Variants in NKAIN3 observed in about 807,000 individuals in gnomAD.
NKAIN3 encodes the protein sodium/potassium transporting ATPase interacting 3.
In NKAIN3, 25 loss-of-function variants were observed where a neutral mutation model predicts 30.2. That is an observed-to-expected ratio of 0.83 (90% CI 0.60 to 1.16). NKAIN3 has a LOEUF of 1.16. NKAIN3 is among the 50% of genes most tolerant of loss of function. NKAIN3 has a pLI of 0.00. For missense variants in NKAIN3, 225 were observed against 254.1 expected (o/e 0.89, Z 0.78); for synonymous variants, 91 against 89.6 (o/e 1.02, Z -0.09).
intron 3 of NKAIN3, among the ~76,000 whole-genome samples, chr8:62,746,377 C>G (rs755442567): frequency 1.3e-5 from 2 of 152,200 alleles, no homozygotes; most frequent in Admixed American, 6.5e-5. Flanking sequence ...TCTGCTCAGT[C>G]CTTTATTGCC....
intron 1 of NKAIN3, among the ~76,000 whole-genome samples, chr8:62,400,494 C>G: frequency 6.6e-6 from 1 of 152,100 alleles, no homozygotes; most frequent in East Asian, 1.9e-4. Context: ...TTCTAGAAAT[C>G]GGATGTTTTG....
intron 1 of NKAIN3, among the ~76,000 whole-genome samples, chr8:62,251,806 A>G (rs1212396471): frequency 6.6e-6 from 1 of 152,176 alleles, no homozygotes; most frequent in East Asian, 1.9e-4. Context: ...TCCCATCACG[A>G]CCAATTTCAA....
intron 5 of NKAIN3, among the ~76,000 whole-genome samples, chr8:62,995,049 A>T (rs1381835767): frequency 6.6e-6 from 1 of 152,220 alleles, no homozygotes; most frequent in African/African-American, 2.4e-5. Context: ...AGTAAACAGC[A>T]TGATTGAAAA....
chr8:62,388,757 C>G (rs775079600), intron 1 of NKAIN3, among the ~76,000 whole-genome samples: 2 of 152,216 alleles, frequency 1.3e-5, no homozygotes, highest in Non-Finnish European at 2.9e-5. Context: ...TCAGCCGGCT[C>G]TGGTTGCTGT....
At chr8:62,538,334 A>C (rs996385851) in intron 1 of NKAIN3, among the ~76,000 whole-genome samples, 1 of 152,028 alleles carries the variant, frequency 6.6e-6, no homozygotes, top group Non-Finnish European at 1.5e-5. Context: ...ACCACTACAC[A>C]CGGCTAATTT....
intron 1 of NKAIN3, among the ~76,000 whole-genome samples, chr8:62,423,570 A>C (rs1462981169): frequency 6.6e-6 from 1 of 151,592 alleles, no homozygotes; most frequent in Non-Finnish European, 1.5e-5. Context: ...TGGCATTCTT[A>C]TTTTTTTACA....
chr8:62,581,167 T>TAAAATAAAAA (rs1810282061), intron 2 of NKAIN3, among the ~76,000 whole-genome samples: 2 of 133,132 alleles, frequency 1.5e-5, no homozygotes, highest in Admixed American at 7.4e-5. Flanking sequence ...TAAAATAAAA[T>TAAAATAAAAA]AAAAATACAG....
At chr8:62,845,878 C>G (rs1007979980) in intron 4 of NKAIN3, among the ~76,000 whole-genome samples, 12 of 152,088 alleles carry the variant, frequency 7.9e-5, no homozygotes, top group African/African-American at 2.9e-4. Context: ...AGTAATTTTA[C>G]TAAATACAAC....
At chr8:62,426,773 C>CT (rs1190865380) in intron 1 of NKAIN3, among the ~76,000 whole-genome samples, 4 of 151,742 alleles carry the variant, frequency 2.6e-5, no homozygotes, top group African/African-American at 7.3e-5. Context: ...TTTAGTTTTC[C>CT]TTTTTTTTCC....
At chr8:62,880,376 G>C (rs1563609752) in intron 4 of NKAIN3, among the ~76,000 whole-genome samples, 2 of 152,080 alleles carry the variant, frequency 1.3e-5, no homozygotes, top group Non-Finnish European at 2.9e-5. Flanking sequence ...ACAGAAGACA[G>C]ATCCTTTCTC....
chr8:62,297,068 A>G (rs146901086), intron 1 of NKAIN3, among the ~76,000 whole-genome samples: 120 of 152,282 alleles, frequency 7.9e-4, no homozygotes, highest in Middle Eastern at 3.4e-3. Flanking sequence ...AGATCACTGC[A>G]ATCACCTGCT....
At chr8:62,853,646 C>A (rs887301062) in intron 4 of NKAIN3, among the ~76,000 whole-genome samples, 3 of 151,944 alleles carry the variant, frequency 2.0e-5, no homozygotes, top group African/African-American at 7.2e-5. Context: ...TTAATTTTCT[C>A]CAGGAAAAGC....
rs138872135 is a variant in NKAIN3, at chr8:62,541,247, G to T, written c.55-38292G>T. ...CAGGAGAACTGCTAGAACCTGGGAG[G>T]GGGGAGGATGCAGTAAGTCAAGATC... is the stretch of plus-strand genomic sequence containing the variant. On this transcript the variant is annotated intron_variant, in intron 1 of 6. Coordinates refer to ENST00000623646, the MANE Select transcript of NKAIN3 (RefSeq NM_001304533.3). Among the ~76,000 whole-genome samples the T allele has an allele frequency of 2.7e-3, 408 of 152,232 alleles. 6 individuals are homozygous for T. Among genetic ancestry groups the T allele is most frequent in the Non-Finnish European group, 2.6e-3 (178 of 68,018 alleles).
chr8:62,252,858 A>T (rs1483885181), intron 1 of NKAIN3, among the ~76,000 whole-genome samples: 1 of 152,216 alleles, frequency 6.6e-6, no homozygotes, highest in African/African-American at 2.4e-5. Flanking sequence ...ATGTGCTTTT[A>T]GCACATTCTT....
At chr8:62,922,391 C>A (rs987742251) in intron 5 of NKAIN3, among the ~76,000 whole-genome samples, 7 of 151,758 alleles carry the variant, frequency 4.6e-5, no homozygotes, top group Non-Finnish European at 8.8e-5. Flanking sequence ...ATGAAAGAAG[C>A]GAATGTGGTA....
At chr8:62,343,836 C>T (rs990594639) in intron 1 of NKAIN3, among the ~76,000 whole-genome samples, 1 of 151,894 alleles carries the variant, frequency 6.6e-6, no homozygotes, top group Non-Finnish European at 1.5e-5. Flanking sequence ...ACTTAGTGTT[C>T]TGTTTATAGA....
rs142800548 is a variant in NKAIN3, at chr8:62,785,983, C to A, written c.471+38854C>A. Among the ~76,000 whole-genome samples the A allele has an allele frequency of 2.6e-5, 4 of 152,182 alleles. No individual in the cohort carries two copies. The East Asian group carries it at 7.8e-4, about 30-fold the overall frequency. On this transcript the variant is annotated intron_variant, in intron 4 of 6. Coordinates refer to ENST00000623646, the MANE Select transcript of NKAIN3 (RefSeq NM_001304533.3). ...GACAGCCAGGTGTTCTCCATGGGGC[C>A]GGTACGGAAATAAGTGTCAGAGAGC...
chr8:62,687,311 G>C (rs963303635), intron 3 of NKAIN3, among the ~76,000 whole-genome samples: 15 of 152,154 alleles, frequency 9.9e-5, no homozygotes, highest in African/African-American at 3.6e-4. Context: ...TAGTCTTCAG[G>C]CTTCAGAACA....
intron 1 of NKAIN3, among the ~76,000 whole-genome samples, chr8:62,456,678 A>C (rs17243414): frequency 2.0e-5 from 3 of 152,200 alleles, no homozygotes; most frequent in Non-Finnish European, 4.4e-5. Context: ...AGCAAGATGT[A>C]GATACAGGAC....
Sources: allele counts gnomAD v4.1 joint callset (sites outside exome capture counted in the v4.1 genomes callset), GRCh38; gene constraint gnomAD v4.1.1; transcripts MANE v1.5; gene names NCBI Gene and HGNC (gene_info 2026-07-23, HGNC 2026-07-21).